Variants in EIF4E3 observed in about 807,000 individuals in gnomAD.
EIF4E3 encodes the protein eukaryotic translation initiation factor 4E type 3.
In EIF4E3, 26 loss-of-function variants were observed where a neutral mutation model predicts 31.7. The observed-to-expected ratio is 0.82, with a 90% confidence interval of 0.60 to 1.14. The LOEUF is 1.14. Ranked by LOEUF, EIF4E3 falls within the 50% of genes most tolerant of loss-of-function variation. The probability of loss-of-function intolerance (pLI) is 0.00; values close to 1 mark genes in which losing one functional copy is unlikely to be tolerated. For synonymous variants in EIF4E3, 128 were observed against 107.7 expected (o/e 1.19, Z -1.17); for missense variants, 304 against 270.9 (o/e 1.12, Z -0.86).
chr3:71,684,699 C>T lies in EIF4E3; in HGVS notation c.658G>A (p.Gly220Arg). ...PHEEHHAFEG[G>R]RGKH is the part of the protein sequence containing the mutation. Reference sequence around the variant, plus strand: ...GAGTGCAATTAGTGTTTTCCACGTCCACCTTCAAAAGCATGATGCTCTTCA... The same window carrying T: ...GAGTGCAATTAGTGTTTTCCACGTCTACCTTCAAAAGCATGATGCTCTTCA... Residue 220 changes from glycine (G) to arginine (R), a missense_variant, in exon 7 of 7, where the codon GGA (glycine) becomes AGA (arginine). Coordinates refer to ENST00000425534, the MANE Select transcript of EIF4E3 (RefSeq NM_001134651.2). The T allele has an allele frequency of 6.2e-7, 1 of 1,613,606 alleles. No individual in the cohort carries two copies. The highest frequency in any genetic ancestry group is 8.5e-7 in the Non-Finnish European group (1 of 1,179,866).
rs1349644441 is a variant in EIF4E3, at chr3:71,680,412, G to A, written c.*4270C>T. ...TGCTAAGGGGTGAGAAGCACTGGTA[G>A]ATGATCTCAAAGGTCCCTTCCACTC... On this transcript the variant is annotated 3_prime_UTR_variant, in exon 7 of 7. Coordinates refer to ENST00000425534, the MANE Select transcript of EIF4E3 (RefSeq NM_001134651.2). The A allele has an allele frequency of 6.6e-6, 1 of 152,186 alleles. No homozygotes were observed. The highest frequency in any genetic ancestry group is 2.4e-5 in the African/African-American group (1 of 41,440). The allele number at this position is 152,186 out of a possible 1,614,324, so 9.4% of individuals were successfully genotyped here. A position where few individuals can be genotyped will look rare whatever the true frequency, so the allele number is the denominator to read the frequency against.
chr3:71,753,918 G>T (rs1287642802), upstream of EIF4E3: 3 of 984,774 alleles, frequency 3.0e-6, no homozygotes, highest in Non-Finnish European at 3.6e-6. Context: ...CCGGCCGGGA[G>T]CGGGCTGAGC....
chr3:71,748,467 G>C (rs1043445719), intron 1 of EIF4E3, among the ~76,000 whole-genome samples: 1 of 152,124 alleles, frequency 6.6e-6, no homozygotes, highest in Non-Finnish European at 1.5e-5. Flanking sequence ...GGAGTCCCTG[G>C]AGATGAAGGT....
chr3:71,694,232 C>T (rs1375744361), intron 4 of EIF4E3, among the ~76,000 whole-genome samples: 1 of 152,228 alleles, frequency 6.6e-6, no homozygotes, highest in Non-Finnish European at 1.5e-5. Context: ...AGGGAAAATG[C>T]ATTCAAATGA....
chr3:71,703,811 C>CAA (rs370789059), intron 2 of EIF4E3, among the ~76,000 whole-genome samples: 1,769 of 72,170 alleles, frequency 0.025, 54 homozygotes, highest in East Asian at 0.039. Flanking sequence ...AAACACACAT[C>CAA]AAAAAAAAAA....
chr3:71,704,215 T>A (rs1475640699), intron 2 of EIF4E3, among the ~76,000 whole-genome samples: 1 of 152,262 alleles, frequency 6.6e-6, no homozygotes, highest in African/African-American at 2.4e-5. Context: ...TCCCACCACA[T>A]AGAAAGTTAG....
At chr3:71,698,749 G>A (rs1032102487) in intron 3 of EIF4E3, among the ~76,000 whole-genome samples, 4 of 152,188 alleles carry the variant, frequency 2.6e-5, no homozygotes, top group African/African-American at 9.7e-5. Context: ...CCAGAGCATA[G>A]GAAGGCCACT....
intron 1 of EIF4E3, among the ~76,000 whole-genome samples, chr3:71,740,304 T>C (rs570869702): frequency 4.6e-5 from 7 of 152,286 alleles, no homozygotes; most frequent in East Asian, 1.9e-4. Context: ...CATTATTTGG[T>C]TGAATATAAA....
At chr3:71,745,605 G>GT (rs2049863739) in intron 1 of EIF4E3, among the ~76,000 whole-genome samples, 1 of 152,214 alleles carries the variant, frequency 6.6e-6, no homozygotes, top group Non-Finnish European at 1.5e-5. Flanking sequence ...GATTACAGCA[G>GT]TAGCAGCTTT....
intron 2 of EIF4E3, among the ~76,000 whole-genome samples, chr3:71,707,696 G>A (rs1278171674): frequency 6.6e-6 from 1 of 151,686 alleles, no homozygotes; most frequent in African/African-American, 2.4e-5. Flanking sequence ...TATGTTTATG[G>A]ACTGCATGGA....
At chr3:71,721,399 C>G (rs534752099) in intron 1 of EIF4E3, among the ~76,000 whole-genome samples, 4 of 152,022 alleles carry the variant, frequency 2.6e-5, no homozygotes, top group East Asian at 1.9e-4. Context: ...GTCAGGGGCT[C>G]GGGGTGTGTG....
At chr3:71,667,618 TAGAG>T in the EIF4E3 span, among the ~76,000 whole-genome samples, 236 of 152,024 alleles carry the variant, frequency 1.6e-3, no homozygotes, top group African/African-American at 5.6e-3. Flanking sequence ...AATAGACAAA[TAGAG>T]AGCCAAATCA....
At chr3:71,722,392 C>A (rs573666437) in intron 1 of EIF4E3, among the ~76,000 whole-genome samples, 10 of 152,132 alleles carry the variant, frequency 6.6e-5, no homozygotes, top group Non-Finnish European at 1.5e-4. Context: ...GTGTAAATGG[C>A]ACAAAGAAGA....
intron 1 of EIF4E3, among the ~76,000 whole-genome samples, chr3:71,752,958 G>A (rs2049949180): frequency 6.6e-6 from 1 of 152,174 alleles, no homozygotes; most frequent in Admixed American, 6.5e-5. Flanking sequence ...AGGTGGCATA[G>A]GGTTCACCTT....
At position 71,690,144 on chromosome 3, in the gene EIF4E3, C is replaced by T. The variant is rs748975219; in HGVS notation, c.494G>A (p.Ser165Asn). ...GTCTTCTCGGTCCCGAACACTGACA[C>T]TAACTCCTATTACTTCATCATCTGA... Reference protein sequence around the residue: ...AAADDEVIGVSVSVRDREDVV... With the variant: ...AAADDEVIGVNVSVRDREDVV... The change falls in exon 6 of 7, where the codon AGT becomes AAT. Residue 165 changes from serine (S) to asparagine (N), a missense_variant. Ser to Asn is a conservative substitution (Grantham distance 46). Transcript: ENST00000425534. The T allele has an allele frequency of 2.5e-6, 4 of 1,611,822 alleles. No homozygotes were observed. The Admixed American group carries it at 6.7e-5, about 27-fold the overall frequency.
rs2048883238 is a variant in EIF4E3, at chr3:71,677,534, A to G, written c.*7148T>C. ...GTGCATCAATAACGACTAGATGATA[A>G]AGTACACACAGAATGCATGGTGGCA... is the stretch of plus-strand genomic sequence containing the variant. On this transcript the variant is annotated 3_prime_UTR_variant, in exon 7 of 7. Transcript: ENST00000425534. 1 of 152,222 alleles carries G rather than the reference A, an allele frequency of 6.6e-6. No homozygotes were observed. 9.4% of individuals were successfully genotyped at this position (152,222 alleles called of 1,614,324 possible). A position where few individuals can be genotyped will look rare whatever the true frequency, so the allele number is the denominator to read the frequency against.
intron 1 of EIF4E3, among the ~76,000 whole-genome samples, chr3:71,724,344 G>C (rs1218466155): frequency 6.6e-6 from 1 of 152,200 alleles, no homozygotes; most frequent in Non-Finnish European, 1.5e-5. Flanking sequence ...ACTGAGGGGA[G>C]GTGTTGAGGA....
In EIF4E3 at chr3:71,680,026, C is replaced by G. The variant is rs1478877801; in HGVS notation, c.*4656G>C. The G allele has an allele frequency of 6.6e-6, 1 of 152,136 alleles. No individual in the cohort carries two copies. Among genetic ancestry groups the G allele is most frequent in the Admixed American group, 6.5e-5 (1 of 15,274 alleles). 9.4% of individuals were successfully genotyped at this position (152,136 alleles called of 1,614,324 possible). On this transcript the variant is annotated 3_prime_UTR_variant, in exon 7 of 7. Coordinates refer to ENST00000425534, the MANE Select transcript of EIF4E3 (RefSeq NM_001134651.2). Reference sequence around the variant, plus strand: ...AAAAACCACCACTCTGTATTAAAGGCTTTATATTATGGACTTCCAGGGATG... The same window carrying G: ...AAAAACCACCACTCTGTATTAAAGGGTTTATATTATGGACTTCCAGGGATG...
At chr3:71,663,186 T>G in the EIF4E3 span, among the ~76,000 whole-genome samples, 1 of 152,182 alleles carries the variant, frequency 6.6e-6, no homozygotes, top group Non-Finnish European at 1.5e-5. Context: ...ATTGGGACAC[T>G]GGGCGAAGGA....
Sources: gnomAD v4.1 joint callset for allele counts (sites outside exome capture counted in the v4.1 genomes callset) on GRCh38, gnomAD v4.1.1 for gene constraint, MANE v1.5 for transcripts, NCBI Gene and HGNC (gene_info 2026-07-23, HGNC 2026-07-21) for gene names.